The following SH2D4A variants were observed in gnomAD, a reference collection of about 807,000 sequenced individuals.
SH2D4A encodes the protein SH2 domain-containing protein 4A.
SH2D4A carries 70 observed loss-of-function variants against 64.7 expected under a neutral mutation model. The observed-to-expected ratio is 1.08, with a 90% CI of 0.89 to 1.32. SH2D4A has a LOEUF of 1.32. Ranked by LOEUF, SH2D4A falls within the 40% of genes most tolerant of loss-of-function variation. SH2D4A has a pLI of 0.00. For synonymous variants in SH2D4A, 268 were observed against 200.7 expected (o/e 1.34, Z -2.83); for missense variants, 706 against 540.1 (o/e 1.31, Z -3.04).
intron 8 of SH2D4A, among the ~76,000 whole-genome samples, chr8:19,388,049 G>A (rs1054116978): frequency 3.3e-5 from 5 of 152,154 alleles, no homozygotes; most frequent in Non-Finnish European, 5.9e-5. Flanking sequence ...CTACACATAC[G>A]TAACCAATCA....
chr8:19,373,025 G>C (rs2053130112), intron 7 of SH2D4A, among the ~76,000 whole-genome samples: 1 of 151,772 alleles, frequency 6.6e-6, no homozygotes, highest in African/African-American at 2.4e-5. Context: ...AATGTGCTGG[G>C]GTAAAAGTGT....
chr8:19,319,934 TA>T (rs1352494450), intron 2 of SH2D4A, among the ~76,000 whole-genome samples: 1 of 152,206 alleles, frequency 6.6e-6, no homozygotes, highest in Admixed American at 6.5e-5. Flanking sequence ...GTTGCATAGC[TA>T]TGAGGAAATC....
intron 8 of SH2D4A, among the ~76,000 whole-genome samples, chr8:19,374,842 G>C (rs1013256690): frequency 2.6e-5 from 4 of 152,134 alleles, no homozygotes; most frequent in Admixed American, 6.5e-5. Flanking sequence ...TTATGCATTA[G>C]CCGCGGCTGT....
chr8:19,328,329 A>G (rs1354787594), intron 2 of SH2D4A, among the ~76,000 whole-genome samples: 1 of 152,014 alleles, frequency 6.6e-6, no homozygotes, highest in East Asian at 1.9e-4. Context: ...GTAAAAGTAA[A>G]AATAACGTAG....
intron 5 of SH2D4A, among the ~76,000 whole-genome samples, 153 bp downstream of exon 5, chr8:19,357,436 T>C (rs778957862): frequency 6.6e-6 from 1 of 152,210 alleles, no homozygotes; most frequent in Non-Finnish European, 1.5e-5. Flanking sequence ...TCTGCATCTT[T>C]ACCCGTTTAT....
intron 4 of SH2D4A, among the ~76,000 whole-genome samples, chr8:19,335,800 A>G (rs1227593407): frequency 1.3e-5 from 2 of 152,194 alleles, no homozygotes; most frequent in Admixed American, 6.5e-5. Flanking sequence ...GAATTCTCTT[A>G]TGGTTCAGAT....
At chr8:19,333,397 T>G (rs1245927851) in intron 3 of SH2D4A, among the ~76,000 whole-genome samples, 4 of 152,198 alleles carry the variant, frequency 2.6e-5, no homozygotes, top group Non-Finnish European at 5.9e-5. Flanking sequence ...TTCATCTCCC[T>G]GCTTGTCATT....
At chr8:19,369,735 C>G (rs2053062461) in intron 7 of SH2D4A, among the ~76,000 whole-genome samples, 1 of 151,810 alleles carries the variant, frequency 6.6e-6, no homozygotes, top group African/African-American at 2.4e-5. Flanking sequence ...CTTTGTGTAG[C>G]TAAACTTATG....
At chr8:19,363,443 G>C (rs1171745433) in intron 6 of SH2D4A, among the ~76,000 whole-genome samples, 1 of 152,070 alleles carries the variant, frequency 6.6e-6, no homozygotes, top group African/African-American at 2.4e-5. Flanking sequence ...GCATTTCTCA[G>C]GATTTATTTC....
chr8:19,333,007 A>G lies in SH2D4A; in HGVS notation c.234A>G (p.Val78=), dbSNP rs142724341. 1.6e-5 allele frequency: 26 copies of G among 1,613,992 alleles called. No individual in the cohort carries two copies. Among genetic ancestry groups the G allele is most frequent in the East Asian group, 2.2e-5 (1 of 44,884 alleles). The change falls in exon 3 of 10, where the codon GTA becomes GTG. Residue 78 remains valine (V), a synonymous_variant. Transcript: ENST00000265807. ...WKLGADKEVW[V]WVMGEHHLDK... is the part of the protein sequence containing the mutation. The stretch of plus-strand genomic sequence containing the variant: ...TTGGAGCTGATAAGGAAGTCTGGGT[A>G]TGGGTGATGGGCGAACACCATCTAG...
At chr8:19,318,257 T>C (rs1425390031) in intron 1 of SH2D4A, among the ~76,000 whole-genome samples, 1 of 152,226 alleles carries the variant, frequency 6.6e-6, no homozygotes, top group African/African-American at 2.4e-5. Flanking sequence ...AGTAAGTTTT[T>C]TTTCTTATAT....
intron 2 of SH2D4A, among the ~76,000 whole-genome samples, chr8:19,322,719 A>G (rs1044443325): frequency 6.7e-6 from 1 of 148,204 alleles, no homozygotes; most frequent in Non-Finnish European, 1.5e-5. Context: ...CCCTAGCTGC[A>G]GTGCAGTGGT....
chr8:19,329,528 C>T (rs1235532499), intron 2 of SH2D4A, among the ~76,000 whole-genome samples: 1 of 152,192 alleles, frequency 6.6e-6, no homozygotes, highest in African/African-American at 2.4e-5. Context: ...TTCCTGAGGA[C>T]AGGGACTAGA....
chr8:19,320,260 C>T (rs865921612), intron 2 of SH2D4A, among the ~76,000 whole-genome samples: 29 of 152,042 alleles, frequency 1.9e-4, no homozygotes, highest in African/African-American at 6.8e-4. Flanking sequence ...AACTTTTCCT[C>T]GTTATCAAAG....
intron 1 of SH2D4A, 98 bp downstream of exon 1, chr8:19,313,921 G>T: frequency 7.6e-7 from 1 of 1,315,504 alleles, no homozygotes; most frequent in Non-Finnish European, 9.7e-7. Flanking sequence ...GTGCATGGGA[G>T]GCGCAGGGGC....
chr8:19,355,636 C>G (rs972056554), intron 4 of SH2D4A, among the ~76,000 whole-genome samples: 1 of 152,170 alleles, frequency 6.6e-6, no homozygotes, highest in Non-Finnish European at 1.5e-5. Flanking sequence ...TGAGCAAGCT[C>G]CACAACTCAC....
chr8:19,324,234 A>T (rs778309316), intron 2 of SH2D4A, among the ~76,000 whole-genome samples: 2 of 152,282 alleles, frequency 1.3e-5, no homozygotes, highest in African/African-American at 4.8e-5. Flanking sequence ...CATGGGGTCT[A>T]TGTCAAGTTG....
rs551793760 is a variant in SH2D4A at position 19,367,461 on chromosome 8, T to C, written c.917+3179T>C. On this transcript the variant is annotated intron_variant, in intron 7 of 9. Transcript: ENST00000265807. ...AAATAAAAAACTGGGCAAGGTGATA[T>C]TGTGGTTTTGATGTGCATTTCCCTG... 8.5e-5 allele frequency among the ~76,000 whole-genome samples: 13 copies of C among 152,286 alleles called. No homozygotes were observed. The East Asian group carries it at 1.9e-3, about 23-fold the overall frequency.
chr8:19,373,755 G>C, intron 8 of SH2D4A, 95 bp downstream of exon 8: 1 of 1,436,024 alleles, frequency 7.0e-7, no homozygotes, highest in Non-Finnish European at 9.3e-7. Context: ...TCCATTTATT[G>C]GTGCTGCCCA....
Sources: gnomAD v4.1 joint callset for allele counts (sites outside exome capture counted in the v4.1 genomes callset) on GRCh38, gnomAD v4.1.1 for gene constraint, MANE v1.5 for transcripts, NCBI Gene and HGNC (gene_info 2026-07-23, HGNC 2026-07-21) for gene names.